EXOC6B: variants seen among roughly 807,000 people sequenced by gnomAD.
The protein encoded by EXOC6B is exocyst complex component 6B.
EXOC6B carries 54 observed loss-of-function variants against 113.5 expected under a neutral mutation model. The observed-to-expected ratio is 0.48, with a 90% confidence interval of 0.38 to 0.60. The LOEUF (loss-of-function observed/expected upper bound fraction) is 0.60. EXOC6B is among the 20% of genes least tolerant of loss of function. The probability of loss-of-function intolerance (pLI) is 0.00; values close to 1 mark genes in which losing one functional copy is unlikely to be tolerated. For synonymous variants in EXOC6B, 357 were observed against 339.0 expected (o/e 1.05, Z -0.58); for missense variants, 797 against 977.5 (o/e 0.82, Z 2.46).
In EXOC6B at chr2:72,657,360, G is replaced by T. The variant is rs190727022; in HGVS notation, c.669+60743C>A. Among the ~76,000 whole-genome samples, 433 of 151,112 alleles carry T rather than the reference G, an allele frequency of 2.9e-3. 1 individual carries two copies. Among genetic ancestry groups the T allele is most frequent in the African/African-American group, 0.01 (415 of 41,170 alleles). On this transcript the variant is annotated intron_variant, in intron 6 of 21. Transcript: ENST00000272427. The stretch of plus-strand genomic sequence containing the variant: ...CTTGCCTCAGGCTCCCTAATAGCCG[G>T]GATTACAGGTATGCACCACCACACA...
intron 19 of EXOC6B, among the ~76,000 whole-genome samples, chr2:72,368,566 G>C (rs1013104826): frequency 5.3e-5 from 8 of 152,226 alleles, no homozygotes; most frequent in African/African-American, 1.9e-4. Context: ...AACAAAAAAA[G>C]AGAATTTTAG....
chr2:72,825,512 G>A lies in EXOC6B; in HGVS notation c.113+286C>T, dbSNP rs1322099992. 6.6e-6 allele frequency among the ~76,000 whole-genome samples: 1 copy of A among 152,236 alleles called. No individual in the cohort carries two copies. Among genetic ancestry groups the A allele is most frequent in the Admixed American group, 6.5e-5 (1 of 15,288 alleles). ...GCCGGGAGCCACCACCATCTGTCGG[G>A]CGCCCTCTCGTTCCCCAGCGCCGGA... On this transcript the variant is annotated intron_variant, in intron 1 of 21. Transcript: ENST00000272427. This position sits in a 1 kb window ranked among gnomAD's most constrained non-coding sequence, Gnocchi z 4.4.
At chr2:72,249,635 T>A (rs1682883732) in intron 20 of EXOC6B, among the ~76,000 whole-genome samples, 1 of 152,192 alleles carries the variant, frequency 6.6e-6, no homozygotes, top group African/African-American at 2.4e-5. Flanking sequence ...AATTGTAAAA[T>A]GTCTTCCAAG....
intron 20 of EXOC6B, among the ~76,000 whole-genome samples, chr2:72,225,227 T>C (rs1247705896): frequency 6.6e-6 from 1 of 152,008 alleles, no homozygotes; most frequent in East Asian, 1.9e-4. Context: ...ATTTTTATGT[T>C]CATTAAAAGA....
At chr2:72,313,408 A>C (rs1165194459) in intron 20 of EXOC6B, among the ~76,000 whole-genome samples, 1 of 152,194 alleles carries the variant, frequency 6.6e-6, no homozygotes, top group Non-Finnish European at 1.5e-5. Flanking sequence ...CTTATATAAC[A>C]AAAAATATAG....
intron 19 of EXOC6B, among the ~76,000 whole-genome samples, chr2:72,361,145 G>A (rs1430346599): frequency 6.6e-6 from 1 of 152,124 alleles, no homozygotes; most frequent in Non-Finnish European, 1.5e-5. Context: ...CATCCAGAAG[G>A]AAATGTAAGA....
At chr2:72,551,776 G>C (rs917020357) in intron 8 of EXOC6B, among the ~76,000 whole-genome samples, 39 of 152,264 alleles carry the variant, frequency 2.6e-4, no homozygotes, top group African/African-American at 9.1e-4. Flanking sequence ...GATTACAGGC[G>C]TGAGCCACCG....
chr2:72,501,030 C>T (rs533116479), intron 11 of EXOC6B, among the ~76,000 whole-genome samples: 6 of 152,218 alleles, frequency 3.9e-5, no homozygotes, highest in African/African-American at 1.4e-4. Flanking sequence ...TTCTATTTTC[C>T]TTGTAGAATA....
At chr2:72,495,769 G>T (rs1215924054) in intron 14 of EXOC6B, among the ~76,000 whole-genome samples, 1 of 152,050 alleles carries the variant, frequency 6.6e-6, no homozygotes, top group African/African-American at 2.4e-5. Flanking sequence ...AACAAATTGT[G>T]TTACATACTC....
At chr2:72,674,594 G>A (rs1676151640) in intron 6 of EXOC6B, among the ~76,000 whole-genome samples, 1 of 152,190 alleles carries the variant, frequency 6.6e-6, no homozygotes, top group Non-Finnish European at 1.5e-5. Context: ...CACTTTGGGA[G>A]GCCGAGGCGG....
chr2:72,371,217 A>G lies in EXOC6B; in HGVS notation c.2122+8512T>C, dbSNP rs577361564. Among the ~76,000 whole-genome samples, 10 of 152,182 alleles carry G rather than the reference A, an allele frequency of 6.6e-5. No homozygotes were observed. The South Asian group carries it at 2.1e-3, about 32-fold the overall frequency. The stretch of plus-strand genomic sequence containing the variant: ...TTGAAACCATAATAAAAAGTCTCCC[A>G]GTAAAGAGAAGCCCAGGACCCAGTT... On this transcript the variant is annotated intron_variant, in intron 19 of 21. Coordinates refer to ENST00000272427, the MANE Select transcript of EXOC6B (RefSeq NM_015189.3).
chr2:72,477,773 TG>T (rs1698837847), intron 17 of EXOC6B, among the ~76,000 whole-genome samples: 1 of 152,214 alleles, frequency 6.6e-6, no homozygotes, highest in Non-Finnish European at 1.5e-5. Flanking sequence ...TACTATTTCT[TG>T]AACACATCCA....
chr2:72,575,466 A>T (rs1423959978), intron 7 of EXOC6B, 26 bp downstream of exon 7: 1 of 1,589,156 alleles, frequency 6.3e-7, no homozygotes, highest in Non-Finnish European at 8.5e-7. Flanking sequence ...AAATAGTCTC[A>T]CTTCCCAACA....
At chr2:72,425,758 T>G (rs1695166666) in intron 18 of EXOC6B, among the ~76,000 whole-genome samples, 1 of 152,214 alleles carries the variant, frequency 6.6e-6, no homozygotes, top group African/African-American at 2.4e-5. Context: ...ATGCATTCCT[T>G]CTTTTGATTC....
intron 8 of EXOC6B, among the ~76,000 whole-genome samples, chr2:72,557,742 A>T (rs1335352908): frequency 6.6e-6 from 1 of 152,102 alleles, no homozygotes; most frequent in Non-Finnish European, 1.5e-5. Flanking sequence ...TAATCTATAC[A>T]ACAAACCCCC....
intron 20 of EXOC6B, among the ~76,000 whole-genome samples, chr2:72,220,664 C>T (rs1310403085): frequency 6.6e-6 from 1 of 152,010 alleles, no homozygotes; most frequent in Non-Finnish European, 1.5e-5. Context: ...TTCGTGACAA[C>T]ATCATATCAA....
At chr2:72,656,758 C>T (rs1028027616) in intron 6 of EXOC6B, among the ~76,000 whole-genome samples, 3 of 152,156 alleles carry the variant, frequency 2.0e-5, no homozygotes, top group Admixed American at 6.5e-5. Flanking sequence ...GATATATGTA[C>T]TTTAAGTCAT....
chr2:72,409,269 G>A (rs2105213028), intron 18 of EXOC6B, among the ~76,000 whole-genome samples: 1 of 152,240 alleles, frequency 6.6e-6, no homozygotes, highest in South Asian at 2.1e-4. Context: ...ACTGTTGGTG[G>A]GACTGTAAAC....
At chr2:72,303,659 A>G (rs1686665905) in intron 20 of EXOC6B, among the ~76,000 whole-genome samples, 1 of 151,956 alleles carries the variant, frequency 6.6e-6, no homozygotes, top group African/African-American at 2.4e-5. Context: ...CTGTGTTCCT[A>G]TCCATATTCT....
Sources: gnomAD v4.1 joint callset for allele counts (sites outside exome capture counted in the v4.1 genomes callset) on GRCh38, gnomAD v4.1.1 for gene constraint, Gnocchi (gnomAD v3.1) non-coding constraint, MANE v1.5 for transcripts, NCBI Gene and HGNC (gene_info 2026-07-23, HGNC 2026-07-21) for gene names.